The following ZNF562 variants were observed in gnomAD, a reference collection of about 807,000 sequenced individuals.
ZNF562 encodes the protein zinc finger protein 562.
A neutral mutation model predicts 17.5 loss-of-function variants in ZNF562; 13 were observed. The ratio of observed to expected loss-of-function variants is 0.74; its 90% CI spans 0.48 to 1.18. The LOEUF is 1.18. Ranked by LOEUF, ZNF562 falls within the 50% of genes most tolerant of loss-of-function variation. The probability of loss-of-function intolerance (pLI) is 0.00; values close to 1 mark genes in which losing one functional copy is unlikely to be tolerated. For synonymous variants in ZNF562, 163 were observed against 165.4 expected (o/e 0.99, Z 0.11); for missense variants, 481 against 498.5 (o/e 0.96, Z 0.33).
chr19:9,655,711 TTC>T (rs1364480076), intron 5 of ZNF562, among the ~76,000 whole-genome samples: 76 of 130,270 alleles, frequency 5.8e-4, no homozygotes, highest in South Asian at 4.0e-3. Context: ...TCACTTTCTT[TTC>T]TTTCTTTTTT....
At chr19:9,673,218 G>C (rs961900223) in intron 1 of ZNF562, among the ~76,000 whole-genome samples, 2 of 152,098 alleles carry the variant, frequency 1.3e-5, no homozygotes, top group African/African-American at 4.8e-5. Context: ...TCTGCGGTCT[G>C]ACCCTAACCC....
chr19:9,669,730 G>GCACACACA (rs1385183876), intron 1 of ZNF562, among the ~76,000 whole-genome samples: 446 of 86,880 alleles, frequency 5.1e-3, no homozygotes, highest in Admixed American at 0.018. Flanking sequence ...GCGCGCGCGC[G>GCACACACA]CGCGCACACA....
At chr19:9,670,605 T>C (rs1416246230) in intron 1 of ZNF562, among the ~76,000 whole-genome samples, 6 of 152,044 alleles carry the variant, frequency 3.9e-5, no homozygotes, top group Non-Finnish European at 8.8e-5. Context: ...TATTCTCACA[T>C]GTGGGAGCTA....
At chr19:9,674,809 G>T (rs921284942) in intron 1 of ZNF562, 1 of 152,284 alleles carries the variant, frequency 6.6e-6, no homozygotes, top group Non-Finnish European at 1.5e-5. Flanking sequence ...AACACCCGGC[G>T]GAGGCGGAAC....
At chr19:9,674,215 C>A (rs1332014078) in intron 1 of ZNF562, among the ~76,000 whole-genome samples, 1 of 151,672 alleles carries the variant, frequency 6.6e-6, no homozygotes, top group East Asian at 1.9e-4. Context: ...TATAACAGAG[C>A]AGGAAATTGG....
rs2074779622 is a variant in ZNF562 at position 9,642,592 on chromosome 19, T to C, written c.*10357A>G. On this transcript the variant is annotated 3_prime_UTR_variant, in exon 6 of 6. Transcript: ENST00000453372. ...CTGCTTGGCCCTTTATTCTTTTACA[T>C]ATTTAATTTTTTAAAAAATCAACAA... The C allele has an allele frequency of 6.6e-6, 1 of 151,998 alleles. No homozygotes were observed. Among genetic ancestry groups the C allele is most frequent in the Non-Finnish European group, 1.5e-5 (1 of 68,022 alleles). The allele number at this position is 151,998 out of a possible 1,614,324, so 9.4% of individuals were successfully genotyped here. A position where few individuals can be genotyped will look rare whatever the true frequency, so the allele number is the denominator to read the frequency against.
At chr19:9,662,150 A>G (rs998230854) in intron 1 of ZNF562, among the ~76,000 whole-genome samples, 1 of 152,194 alleles carries the variant, frequency 6.6e-6, no homozygotes, top group African/African-American at 2.4e-5. Flanking sequence ...GATCCCCTGT[A>G]TATGCTGTTA....
intron 1 of ZNF562, among the ~76,000 whole-genome samples, chr19:9,662,600 G>A (rs1039333924): frequency 6.6e-6 from 1 of 151,780 alleles, no homozygotes. Context: ...TAGACAACAG[G>A]CCAGGCACAG....
At chr19:9,666,052 C>T (rs957413195) in intron 1 of ZNF562, among the ~76,000 whole-genome samples, 14 of 150,886 alleles carry the variant, frequency 9.3e-5, no homozygotes, top group Non-Finnish European at 1.9e-4. Flanking sequence ...AGGCTGGTTG[C>T]TATGGCTCAT....
Position 9,653,723 on chromosome 19 carries a change from G to T in ZNF562, c.507C>A (p.Ala169=), listed in dbSNP as rs774287341. The change falls in exon 6 of 6, where the codon GCC becomes GCA. Residue 169 remains alanine, a synonymous_variant. Transcript: ENST00000453372. Reference sequence around the variant, plus strand: ...ATTTGGAAAGTTCTTGTCCAATAGAGGCTTCCTTGTGCACACTGATGCTGT... The same window carrying T: ...ATTTGGAAAGTTCTTGTCCAATAGATGCTTCCTTGTGCACACTGATGCTGT... ...GKDSISVHKE[A]SIGQELSKFN... is the part of the protein sequence containing the mutation. The T allele has an allele frequency of 1.9e-6, 3 of 1,614,096 alleles. No individual in the cohort carries two copies. The highest frequency in any genetic ancestry group is 2.5e-6 in the Non-Finnish European group (3 of 1,179,972).
At chr19:9,669,742 A>G (rs1433880358) in intron 1 of ZNF562, among the ~76,000 whole-genome samples, 98 of 141,898 alleles carry the variant, frequency 6.9e-4, no homozygotes, top group South Asian at 1.2e-3. Context: ...GCGCACACAC[A>G]CACACACACA....
At position 9,659,459 on chromosome 19, in the gene ZNF562, G is replaced by A. The variant is rs1374103763; in HGVS notation, c.34C>T (p.Pro12Ser). The part of the protein sequence containing the change: ...SAFDMSHGFF[P>S]REPICPFEEK... ...TCAAAAGGACAGATTGGTTCCCTGG[G>A]AAAAAACCCTAGTGGAAAAGTAAGA... Residue 12 changes from proline (P) to serine (S), a missense_variant, in exon 3 of 6, where the codon CCC (proline) becomes TCC (serine). Coordinates refer to ENST00000453372, the MANE Select transcript of ZNF562 (RefSeq NM_001130031.2). 5 of 1,550,852 alleles carry A rather than the reference G, an allele frequency of 3.2e-6. No homozygotes were observed. The South Asian group carries it at 4.8e-5, about 15-fold the overall frequency.
At chr19:9,653,997 T>TTA in intron 5 of ZNF562, 116 bp from the exon 6 acceptor site, 1 of 1,246,498 alleles carries the variant, frequency 8.0e-7, no homozygotes, top group East Asian at 2.8e-5. Flanking sequence ...GTTTAATTTT[T>TTA]TTTTTTTTTT....
At chr19:9,664,030 C>A (rs1363189188) in intron 1 of ZNF562, among the ~76,000 whole-genome samples, 1 of 152,138 alleles carries the variant, frequency 6.6e-6, no homozygotes, top group Non-Finnish European at 1.5e-5. Flanking sequence ...GCTGAGATTA[C>A]AGGTGTGAGC....
chr19:9,672,781 T>C (rs976553262), intron 1 of ZNF562, among the ~76,000 whole-genome samples: 46 of 147,380 alleles, frequency 3.1e-4, no homozygotes, highest in South Asian at 2.1e-3. Context: ...GCCTTTCTTT[T>C]TTTTTTTTTT....
chr19:9,658,281 C>T, intron 3 of ZNF562, 146 bp from the exon 4 acceptor site: 2 of 1,349,416 alleles, frequency 1.5e-6, no homozygotes, highest in Non-Finnish European at 1.9e-6. Context: ...GTCTCAGGAG[C>T]TCTTGTGTCT....
chr19:9,656,748 G>C, intron 4 of ZNF562, 95 bp from the exon 5 acceptor site: 1 of 1,293,634 alleles, frequency 7.7e-7, no homozygotes, highest in Non-Finnish European at 1.1e-6. Flanking sequence ...CCACAGGCCA[G>C]GCACGGTGAC....
At chr19:9,660,028 G>A (rs541877702) in intron 2 of ZNF562, among the ~76,000 whole-genome samples, 8 of 119,554 alleles carry the variant, frequency 6.7e-5, no homozygotes, top group African/African-American at 1.3e-4. Flanking sequence ...AGTGGAGGTT[G>A]CAATGAGTCA....
At position 9,656,867 on chromosome 19, in the gene ZNF562, C is replaced by CAAAAAAAAAA. The variant is rs1358160894; in HGVS notation, c.242-215_242-214insTTTTTTTTTT. On this transcript the variant is annotated intron_variant, in intron 4 of 5. Transcript: ENST00000453372. Reference sequence around the variant, plus strand: ...GTGAAACCCTCTCTCTAGTAAAATACAAAAATATATATATATATATATATT... The same window carrying CAAAAAAAAAA: ...GTGAAACCCTCTCTCTAGTAAAATACAAAAAAAAAAAAAAATATATATATATATATATATT... Among the ~76,000 whole-genome samples the CAAAAAAAAAA allele has an allele frequency of 2.7e-4, 30 of 112,964 alleles. No individual in the cohort carries two copies. In the South Asian group the frequency reaches 3.5e-3, roughly 13 times the overall value. The allele number at this position is 112,964 out of a possible 152,430, so 74.1% of individuals were successfully genotyped here.
Sources: gnomAD v4.1 joint callset for allele counts (sites outside exome capture counted in the v4.1 genomes callset) on GRCh38, gnomAD v4.1.1 for gene constraint, MANE v1.5 for transcripts, NCBI Gene and HGNC (gene_info 2026-07-23, HGNC 2026-07-21) for gene names.